ENTPD6: variants seen among roughly 807,000 people sequenced by gnomAD.
The protein encoded by ENTPD6 is CD39 antigen-like 2.
ENTPD6 carries 46 observed loss-of-function variants against 61.5 expected under a neutral mutation model. The observed-to-expected ratio is 0.75, with a 90% CI of 0.59 to 0.96. ENTPD6 has a LOEUF of 0.96. Ranked by LOEUF, ENTPD6 falls within the 40% of genes least tolerant of loss-of-function variation. The pLI is 0.00. For synonymous variants in ENTPD6, 252 were observed against 255.5 expected (o/e 0.99, Z 0.13); for missense variants, 612 against 629.0 (o/e 0.97, Z 0.29).
chr20:25,219,705 GT>G (rs1410696324), intron 10 of ENTPD6, among the ~76,000 whole-genome samples: 2 of 152,182 alleles, frequency 1.3e-5, no homozygotes, highest in African/African-American at 4.8e-5. Context: ...GCACCTACGT[GT>G]GCTCCAGCCA....
At chr20:25,208,323 G>A (rs2091680354) in intron 3 of ENTPD6, among the ~76,000 whole-genome samples, 1 of 152,214 alleles carries the variant, frequency 6.6e-6, no homozygotes, top group Non-Finnish European at 1.5e-5. Context: ...TTCGAAGCCT[G>A]TAATCCCAGC....
chr20:25,218,636 G>C, intron 10 of ENTPD6, 22 bp downstream of exon 10: 1 of 1,584,578 alleles, frequency 6.3e-7, no homozygotes, highest in Non-Finnish European at 8.6e-7. Flanking sequence ...TGTTGCCCCG[G>C]GCCCACTTTC....
intron 1 of ENTPD6, chr20:25,196,315 G>A: frequency 1.2e-6 from 1 of 851,526 alleles, no homozygotes; most frequent in Non-Finnish European, 1.4e-6. Flanking sequence ...TGGCATTGGG[G>A]TGGTGTCCCG....
chr20:25,209,583 C>A (rs1413300865), intron 3 of ENTPD6, among the ~76,000 whole-genome samples: 2 of 149,718 alleles, frequency 1.3e-5, no homozygotes, highest in East Asian at 1.9e-4. Flanking sequence ...TAAATATAAT[C>A]TTTAAAAAAT....
chr20:25,212,936 A>T (rs1803093022), intron 4 of ENTPD6, among the ~76,000 whole-genome samples: 1 of 152,160 alleles, frequency 6.6e-6, no homozygotes, highest in African/African-American at 2.4e-5. Context: ...TGATCTCCTG[A>T]CCTTGTGATC....
In ENTPD6 at chr20:25,216,751, C is replaced by T. The variant is rs373104784; in HGVS notation, c.798+15C>T. 340 of 1,569,196 alleles carry T rather than the reference C, an allele frequency of 2.2e-4. No homozygotes were observed. Among genetic ancestry groups the T allele is most frequent in the Non-Finnish European group, 2.8e-4 (329 of 1,155,828 alleles). On this transcript the variant is annotated intron_variant, in intron 8 of 14. Transcript: ENST00000376652. The stretch of plus-strand genomic sequence containing the variant: ...CACGCGTGGAGGTAACAAGCCCTGC[C>T]GACCACAGCGCTCTTTCCACCCCGA...
intron 3 of ENTPD6, 36 bp downstream of exon 3, chr20:25,207,433 C>A (rs1297311475): frequency 6.7e-7 from 1 of 1,498,646 alleles, no homozygotes; most frequent in Non-Finnish European, 8.9e-7. Context: ...TCGGGATCTC[C>A]TCCCCTGTGC....
chr20:25,221,501 T>C lies in ENTPD6; in HGVS notation c.1045+168T>C, dbSNP rs1476986771. The C allele has an allele frequency of 7.2e-6, 5 of 695,272 alleles. No individual in the cohort carries two copies. In the Admixed American group the frequency reaches 1.0e-4, roughly 14 times the overall value. 43.1% of individuals were successfully genotyped at this position (695,272 alleles called of 1,614,324 possible). ...AAGGTGGTTTGGCTGCAGGGGCCTG[T>C]GTCTGTGCTGAGAGCCAGCTCCTTC... On this transcript the variant is annotated intron_variant, in intron 11 of 14. Coordinates refer to ENST00000376652, the MANE Select transcript of ENTPD6 (RefSeq NM_001247.5).
intron 13 of ENTPD6, 37 bp from the exon 14 acceptor site, chr20:25,225,168 G>A: frequency 6.3e-7 from 1 of 1,589,668 alleles, no homozygotes. Flanking sequence ...CCAGGTGGGA[G>A]TCACCTGGAG....
intron 6 of ENTPD6, 29 bp downstream of exon 6, chr20:25,214,971 TG>T: frequency 6.8e-7 from 1 of 1,478,978 alleles, no homozygotes; most frequent in Non-Finnish European, 9.5e-7. Context: ...CTCTGTACAG[TG>T]GGGCTGTGCA....
At chr20:25,207,717 A>C (rs903830445) in intron 3 of ENTPD6, among the ~76,000 whole-genome samples, 1 of 152,106 alleles carries the variant, frequency 6.6e-6, no homozygotes, top group Admixed American at 6.5e-5. Context: ...CTTTGTGGGG[A>C]GTTCAGGCAG....
intron 11 of ENTPD6, chr20:25,221,814 T>C (rs773463109): frequency 1.3e-4 from 33 of 250,630 alleles, no homozygotes; most frequent in Non-Finnish European, 2.2e-4. Context: ...ATTCCCAGAC[T>C]GGGCACTCGG....
intron 1 of ENTPD6, among the ~76,000 whole-genome samples, chr20:25,203,861 A>G (rs2091247668): frequency 6.6e-6 from 1 of 152,176 alleles, no homozygotes; most frequent in South Asian, 2.1e-4. Flanking sequence ...TCCTTGTCCC[A>G]GTCTTTGAAG....
intron 3 of ENTPD6, 94 bp from the exon 4 acceptor site, chr20:25,209,755 G>C (rs2091820636): frequency 1.9e-6 from 2 of 1,072,448 alleles, no homozygotes; most frequent in Non-Finnish European, 2.9e-6. Flanking sequence ...GTCTGTGTTA[G>C]TGTCTGTCTT....
chr20:25,221,055 T>C (rs1368985017), intron 10 of ENTPD6, among the ~76,000 whole-genome samples, 177 bp from the exon 11 acceptor site: 1 of 152,244 alleles, frequency 6.6e-6, no homozygotes, highest in Non-Finnish European at 1.5e-5. Flanking sequence ...GTGTGCTTCC[T>C]GGCCAACGAG....
chr20:25,217,545 G>T lies in ENTPD6; in HGVS notation c.842G>T (p.Arg281Leu). Residue 281 changes from arginine (R) to leucine (L), a missense_variant, in exon 9 of 15, where the codon CGG (arginine) becomes CTG (leucine). Coordinates refer to ENST00000376652, the MANE Select transcript of ENTPD6 (RefSeq NM_001247.5). The stretch of plus-strand genomic sequence containing the variant: ...CCACCCGGCTACCTGACGGCACTGC[G>T]GATGTTTAACAGGACCTACAAGCTC... ...ASPPGYLTALRMFNRTYKLYS... is the reference protein window; with the variant it reads ...ASPPGYLTALLMFNRTYKLYS... The T allele has an allele frequency of 6.2e-7, 1 of 1,614,128 alleles. No individual in the cohort carries two copies. The highest frequency in any genetic ancestry group is 8.5e-7 in the Non-Finnish European group (1 of 1,179,996).
At chr20:25,211,997 T>G (rs769954293) in intron 4 of ENTPD6, among the ~76,000 whole-genome samples, 1 of 152,170 alleles carries the variant, frequency 6.6e-6, no homozygotes, top group Non-Finnish European at 1.5e-5. Flanking sequence ...TTTGTAGAGA[T>G]GGACATCTTG....
In ENTPD6 at chr20:25,226,768, G is replaced by A. The variant is rs1214422086; in HGVS notation, c.*1171G>A. ...GAGCGACAGTAGCATTTGCCCACCTGGCACCTGAGATCCCTGTTTACTAAA... is the reference window on the plus strand; with the variant it reads ...GAGCGACAGTAGCATTTGCCCACCTAGCACCTGAGATCCCTGTTTACTAAA... On this transcript the variant is annotated 3_prime_UTR_variant, in exon 15 of 15. Transcript: ENST00000376652. 11 of 152,320 alleles carry A rather than the reference G, an allele frequency of 7.2e-5. No homozygotes were observed. Among genetic ancestry groups the A allele is most frequent in the Non-Finnish European group, 1.3e-4 (9 of 68,096 alleles). The allele number at this position is 152,320 out of a possible 1,614,324, so 9.4% of individuals were successfully genotyped here. A position where few individuals can be genotyped will look rare whatever the true frequency, so the allele number is the denominator to read the frequency against.
At chr20:25,213,159 ACT>A in intron 4 of ENTPD6, 102 bp from the exon 5 acceptor site, 1 of 1,334,102 alleles carries the variant, frequency 7.5e-7, no homozygotes, top group Non-Finnish European at 1.1e-6. Context: ...ACACAGTGAG[ACT>A]CTGTCTCCAG....
Sources: allele counts gnomAD v4.1 joint callset (sites outside exome capture counted in the v4.1 genomes callset), GRCh38; gene constraint gnomAD v4.1.1; transcripts MANE v1.5; gene names NCBI Gene and HGNC (gene_info 2026-07-23, HGNC 2026-07-21).